PDE4D: variants seen among roughly 807,000 people sequenced by gnomAD.
PDE4D encodes phosphodiesterase 4D, also known as 3',5'-cyclic-AMP phosphodiesterase 4D.
A neutral mutation model predicts 87.4 loss-of-function variants in PDE4D; 24 were observed. The observed-to-expected ratio is 0.27, with a 90% CI of 0.20 to 0.39. The LOEUF is 0.39. Among genes scored for constraint, PDE4D ranks in the 10% least tolerant of loss-of-function variants. The pLI is 1.00. For missense variants in PDE4D, 714 were observed against 1,041.0 expected (o/e 0.69, Z 4.32); for synonymous variants, 384 against 383.2 (o/e 1.00, Z -0.02).
chr5:60,234,795 G>T (rs1400988272), intron 1 of PDE4D, among the ~76,000 whole-genome samples: 2 of 151,772 alleles, frequency 1.3e-5, no homozygotes, highest in Non-Finnish European at 2.9e-5. Flanking sequence ...CCAGAAATTT[G>T]TACATTTCAT....
intron 1 of PDE4D, among the ~76,000 whole-genome samples, chr5:60,272,659 C>T (rs888342274): frequency 2.6e-5 from 4 of 152,046 alleles, no homozygotes; most frequent in African/African-American, 7.2e-5. Context: ...GGACTCAGAA[C>T]GTGGAATTGT....
intron 2 of PDE4D, among the ~76,000 whole-genome samples, chr5:59,199,495 A>C (rs186338880): frequency 6.6e-6 from 1 of 152,238 alleles, no homozygotes; most frequent in East Asian, 1.9e-4. Context: ...GAAATTGATA[A>C]ACATATAGAA....
At chr5:59,339,745 ACAT>A (rs1309650492) in intron 1 of PDE4D, among the ~76,000 whole-genome samples, 2 of 152,166 alleles carry the variant, frequency 1.3e-5, no homozygotes, top group African/African-American at 4.8e-5. Context: ...TGATTGAAGC[ACAT>A]GGTAAATGTT....
intron 1 of PDE4D, chr5:60,429,846 T>TG: frequency 2.9e-6 from 1 of 341,846 alleles, no homozygotes; most frequent in South Asian, 2.4e-5. Flanking sequence ...TTTTTTTTTT[T>TG]TGTTTTTTTT....
chr5:59,275,557 T>A, intron 1 of PDE4D: 1 of 1,427,094 alleles, frequency 7.0e-7, no homozygotes, highest in Non-Finnish European at 9.1e-7. Flanking sequence ...CTGTCCTCGG[T>A]CCAGCTCATG....
chr5:59,681,074 A>C (rs1377940477), intron 1 of PDE4D, among the ~76,000 whole-genome samples: 1 of 152,168 alleles, frequency 6.6e-6, no homozygotes, highest in Non-Finnish European at 1.5e-5. Flanking sequence ...TTTGATTTCT[A>C]AAAACCATTC....
intron 1 of PDE4D, among the ~76,000 whole-genome samples, chr5:59,246,637 T>G (rs1221550304): frequency 1.3e-5 from 2 of 152,138 alleles, no homozygotes; most frequent in Non-Finnish European, 2.9e-5. Context: ...GTTCTATAAT[T>G]TTTATATGGT....
chr5:59,434,495 G>A (rs554647105), intron 1 of PDE4D, among the ~76,000 whole-genome samples: 21 of 152,096 alleles, frequency 1.4e-4, no homozygotes, highest in African/African-American at 4.6e-4. Context: ...AATTCTTGGA[G>A]TTGTTCTTGA....
intron 1 of PDE4D, among the ~76,000 whole-genome samples, chr5:59,781,774 C>T (rs1409820981): frequency 9.2e-6 from 1 of 108,426 alleles, no homozygotes; most frequent in African/African-American, 3.8e-5. Flanking sequence ...GACAGAGCGA[C>T]ACTCCATCTC....
At chr5:60,067,567 T>C (rs1383155107) in intron 2 of PDE4D, among the ~76,000 whole-genome samples, 2 of 152,116 alleles carry the variant, frequency 1.3e-5, no homozygotes, top group African/African-American at 4.8e-5. Flanking sequence ...GCTAAAAACA[T>C]TAAACACAAA....
chr5:59,385,625 C>T (rs1786814836), intron 1 of PDE4D, among the ~76,000 whole-genome samples: 1 of 152,186 alleles, frequency 6.6e-6, no homozygotes. Context: ...AGAGGGTATA[C>T]TGCTCTTGCC....
In PDE4D at chr5:59,236,432, C is replaced by T. The variant is rs574064436; in HGVS notation, c.456-20464G>A. Among the ~76,000 whole-genome samples the T allele has an allele frequency of 6.6e-5, 10 of 152,242 alleles. No homozygotes were observed. The East Asian group carries it at 1.9e-3, about 29-fold the overall frequency. ...GCTTTTAAAAATACAGATTCTTAGG[C>T]CTCCTTTTGGATACTCTGAGTCGGT... On this transcript the variant is annotated intron_variant, in intron 1 of 14. Transcript: ENST00000340635.
At chr5:59,225,136 A>G (rs1395583667) in intron 1 of PDE4D, among the ~76,000 whole-genome samples, 1 of 152,224 alleles carries the variant, frequency 6.6e-6, no homozygotes, top group Non-Finnish European at 1.5e-5. Flanking sequence ...CTAGGTTTAC[A>G]GCTTCAGGTG....
At chr5:59,800,626 C>T (rs1767014765) in intron 1 of PDE4D, among the ~76,000 whole-genome samples, 1 of 151,984 alleles carries the variant, frequency 6.6e-6, no homozygotes, top group Non-Finnish European at 1.5e-5. Flanking sequence ...CCCCTACCCC[C>T]CTACTATCCC....
At chr5:60,432,635 A>G (rs1744441028) in intron 1 of PDE4D, among the ~76,000 whole-genome samples, 1 of 152,224 alleles carries the variant, frequency 6.6e-6, no homozygotes. Context: ...ATTCTAAGCA[A>G]AAAAGAATAA....
chr5:59,746,141 A>G (rs1418985321), intron 1 of PDE4D, among the ~76,000 whole-genome samples: 11 of 152,178 alleles, frequency 7.2e-5, no homozygotes, highest in Non-Finnish European at 1.6e-4. Context: ...GCTGAACATC[A>G]TATTCAAGAA....
intron 1 of PDE4D, among the ~76,000 whole-genome samples, chr5:60,257,222 GAGAAAGAAAGAA>G (rs142753730): frequency 0.081 from 11,638 of 143,164 alleles, 553 homozygotes; most frequent in Non-Finnish European, 0.11. Flanking sequence ...AAGAAAGAAA[GAGAAAGAAAGAA>G]AGAAAGAAAG....
chr5:59,802,421 CAG>C (rs1767249073), intron 1 of PDE4D, among the ~76,000 whole-genome samples: 1 of 117,608 alleles, frequency 8.5e-6, no homozygotes, highest in African/African-American at 3.2e-5. Flanking sequence ...TTTTTTGAGA[CAG>C]AGTCTCACTC....
chr5:59,357,504 A>C (rs937084253), intron 1 of PDE4D, among the ~76,000 whole-genome samples: 1 of 152,188 alleles, frequency 6.6e-6, no homozygotes, highest in African/African-American at 2.4e-5. Flanking sequence ...AGAAAAAAAA[A>C]CAGGCAGATC....
Sources: allele counts gnomAD v4.1 joint callset (sites outside exome capture counted in the v4.1 genomes callset), GRCh38; gene constraint gnomAD v4.1.1; transcripts MANE v1.5; gene names NCBI Gene and HGNC (gene_info 2026-07-23, HGNC 2026-07-21).